The following TTC39C variants were observed in gnomAD, a reference collection of about 807,000 sequenced individuals.
TTC39C encodes the protein tetratricopeptide repeat protein 39C.
TTC39C carries 33 observed loss-of-function variants against 76.3 expected under a neutral mutation model. That is an observed-to-expected ratio of 0.43 (90% CI 0.33 to 0.58). TTC39C has a LOEUF of 0.58. Among genes scored for constraint, TTC39C ranks in the 20% least tolerant of loss-of-function variants. TTC39C has a pLI of 0.04. For missense variants in TTC39C, 595 were observed against 701.4 expected, an observed-to-expected ratio of 0.85 and a Z score of 1.71; for synonymous variants, 254 against 260.6, an observed-to-expected ratio of 0.97 and a Z score of 0.24.
At chr18:24,114,246 G>C in intron 6 of TTC39C, 1 of 295,608 alleles carries the variant, frequency 3.4e-6, no homozygotes, top group South Asian at 3.8e-5. Flanking sequence ...CTTACCACCT[G>C]AGTGAAGGAG....
chr18:24,128,356 C>G (rs2145829928), intron 10 of TTC39C, among the ~76,000 whole-genome samples: 1 of 151,546 alleles, frequency 6.6e-6, no homozygotes. Context: ...TTACCTCTTC[C>G]TCTCACCTTC....
chr18:24,049,137 G>A (rs997111918), intron 1 of TTC39C, among the ~76,000 whole-genome samples: 1 of 152,194 alleles, frequency 6.6e-6, no homozygotes, highest in Admixed American at 6.5e-5. Flanking sequence ...TTTAAAGAGA[G>A]CCAACGGTAA....
At chr18:24,060,318 T>G (rs1411033311) in intron 1 of TTC39C, among the ~76,000 whole-genome samples, 1 of 141,120 alleles carries the variant, frequency 7.1e-6, no homozygotes, top group African/African-American at 2.7e-5. Context: ...TTTCTGTTTT[T>G]TTTTTTTTTT....
At chr18:24,025,609 A>G (rs1397666207) in intron 1 of TTC39C, among the ~76,000 whole-genome samples, 2 of 152,210 alleles carry the variant, frequency 1.3e-5, no homozygotes, top group South Asian at 2.1e-4. Context: ...GGGACATGAG[A>G]CAGTGTGCTG....
At chr18:24,071,569 G>GT (rs2084242017) in intron 4 of TTC39C, among the ~76,000 whole-genome samples, 1 of 151,932 alleles carries the variant, frequency 6.6e-6, no homozygotes, top group African/African-American at 2.4e-5. Context: ...TTTGTATCTT[G>GT]TTTTTTCTTT....
intron 1 of TTC39C, among the ~76,000 whole-genome samples, chr18:23,999,462 T>C (rs2083294941): frequency 6.6e-6 from 1 of 152,200 alleles, no homozygotes; most frequent in Non-Finnish European, 1.5e-5. Flanking sequence ...GACTCTCTGG[T>C]CAAAGCGGGT....
At chr18:24,096,967 A>G (rs1281914932) in intron 6 of TTC39C, among the ~76,000 whole-genome samples, 1 of 152,180 alleles carries the variant, frequency 6.6e-6, no homozygotes, top group African/African-American at 2.4e-5. Context: ...CTGAAGAAAA[A>G]TTGGTGCCCT....
At position 24,118,654 on chromosome 18, in the gene TTC39C, A is replaced by AT. The variant is rs10537168; in HGVS notation, c.1186+438dup. ...TGAACAGTCTTTTTTCAGTGTGTTAATTTTTTTTTTTTTTTTGAGTCTGGG... is the reference window on the plus strand; with the variant it reads ...TGAACAGTCTTTTTTCAGTGTGTTAATTTTTTTTTTTTTTTTTGAGTCTGGG... On this transcript the variant is annotated intron_variant, in intron 8 of 13. Transcript: ENST00000317571. 5.2e-3 allele frequency among the ~76,000 whole-genome samples: 732 copies of AT among 141,908 alleles called. 1 individual carries two copies. The highest frequency in any genetic ancestry group is 8.1e-3 in the Non-Finnish European group (526 of 65,332). 93.1% of individuals were successfully genotyped at this position (141,908 alleles called of 152,430 possible). A position where few individuals can be genotyped will look rare whatever the true frequency, so the allele number is the denominator to read the frequency against.
intron 1 of TTC39C, among the ~76,000 whole-genome samples, chr18:24,061,593 T>TAAAAA (rs35502981): frequency 8.4e-4 from 80 of 95,628 alleles, no homozygotes; most frequent in Middle Eastern, 9.6e-3. Flanking sequence ...TTGAAATAAG[T>TAAAAA]AAAAAAAAAA....
At chr18:24,125,275 T>A (rs1405809175) in intron 9 of TTC39C, 152 bp from the exon 10 acceptor site, 1 of 1,065,896 alleles carries the variant, frequency 9.4e-7, no homozygotes, top group South Asian at 1.8e-5. Context: ...AAAGCAACAT[T>A]TTTTATAGAG....
At chr18:24,044,899 C>T (rs754733312) in intron 1 of TTC39C, among the ~76,000 whole-genome samples, 11 of 152,170 alleles carry the variant, frequency 7.2e-5, no homozygotes, top group Non-Finnish European at 1.2e-4. Flanking sequence ...ATGCTAACAG[C>T]ACCACTGAGA....
chr18:24,011,545 C>T (rs2083393478), upstream of TTC39C, among the ~76,000 whole-genome samples: 3 of 152,170 alleles, frequency 2.0e-5, no homozygotes, highest in South Asian at 6.2e-4. Context: ...GCCAGGGATA[C>T]AGCCTCATTT....
chr18:24,066,915 A>C (rs2084173010), intron 3 of TTC39C, among the ~76,000 whole-genome samples: 2 of 152,198 alleles, frequency 1.3e-5, no homozygotes, highest in South Asian at 4.1e-4. Context: ...AGTAGATGTT[A>C]TTACAAACGA....
intron 4 of TTC39C, among the ~76,000 whole-genome samples, chr18:24,073,519 A>C (rs1350842043): frequency 7.1e-6 from 1 of 141,606 alleles, no homozygotes; most frequent in Non-Finnish European, 1.6e-5. Flanking sequence ...CCCTCCTCAT[A>C]TCAATCCTGG....
chr18:23,996,768 C>A (rs760050834), intron 1 of TTC39C, among the ~76,000 whole-genome samples: 1 of 152,210 alleles, frequency 6.6e-6, no homozygotes, highest in Non-Finnish European at 1.5e-5. Context: ...TCAAGGAAGA[C>A]TGGGGACCCA....
In TTC39C at chr18:24,132,189, C is replaced by A. The variant is rs185879006; in HGVS notation, c.1662+269C>A. Among the ~76,000 whole-genome samples, 3 of 152,214 alleles carry A rather than the reference C, an allele frequency of 2.0e-5. No individual in the cohort carries two copies. In the East Asian group the frequency reaches 5.8e-4, roughly 29 times the overall value. ...TAACTTTTGATTTTATAACTATGTC[C>A]CTGAATTAAGAATTTCTAATAGCAA... is the stretch of plus-strand genomic sequence containing the variant. On this transcript the variant is annotated intron_variant, in intron 13 of 13. Transcript: ENST00000317571.
At chr18:24,032,989 A>G (rs1432156583) in intron 1 of TTC39C, among the ~76,000 whole-genome samples, 1 of 152,242 alleles carries the variant, frequency 6.6e-6, no homozygotes, top group Admixed American at 6.5e-5. Context: ...GCAGTGGCTC[A>G]CACTTGTATT....
chr18:24,064,138 A>G lies in TTC39C; in HGVS notation c.168-2A>G. ...GTGTGTGTGTGTGTGTTTTTTTAAC[A>G]GAAATCATAGCCCACTAATGAGTTT... On this transcript the variant is annotated splice_acceptor_variant, in intron 1 of 13. Coordinates refer to ENST00000317571, the MANE Select transcript of TTC39C (RefSeq NM_001135993.2). LOFTEE classifies it high-confidence loss of function. 1 of 1,613,716 alleles carries G rather than the reference A, an allele frequency of 6.2e-7. No individual in the cohort carries two copies. The highest frequency in any genetic ancestry group is 1.1e-5 in the South Asian group (1 of 90,996).
At chr18:24,037,306 G>A (rs1175185010) in intron 1 of TTC39C, among the ~76,000 whole-genome samples, 1 of 152,154 alleles carries the variant, frequency 6.6e-6, no homozygotes, top group Non-Finnish European at 1.5e-5. Flanking sequence ...AGTACTGCCT[G>A]TATTCCCTGA....
Sources: allele counts gnomAD v4.1 joint callset (sites outside exome capture counted in the v4.1 genomes callset), GRCh38; gene constraint gnomAD v4.1.1; transcripts MANE v1.5; gene names NCBI Gene and HGNC (gene_info 2026-07-23, HGNC 2026-07-21).